LRRC4C: variants seen among roughly 807,000 people sequenced by gnomAD.
The protein encoded by LRRC4C is leucine-rich repeat-containing protein 4C.
In LRRC4C, 5 loss-of-function variants were observed where a neutral mutation model predicts 33.6. The observed-to-expected ratio is 0.15, with a 90% CI of 0.08 to 0.31. The LOEUF is 0.31. Ranked by LOEUF, LRRC4C falls within the 10% of genes least tolerant of loss-of-function variation. The pLI, the probability that LRRC4C is intolerant of heterozygous loss-of-function variation, is 1.00. For synonymous variants in LRRC4C, 329 were observed against 302.0 expected (o/e 1.09, Z -0.93); for missense variants, 560 against 796.7 (o/e 0.70, Z 3.58).
chr11:41,143,320 AAT>A (rs1943593444), intron 1 of LRRC4C, among the ~76,000 whole-genome samples: 1 of 96,892 alleles, frequency 1.0e-5, no homozygotes, highest in Non-Finnish European at 2.3e-5. Flanking sequence ...AAAGAATTTC[AAT>A]TAAAGGATCA....
intron 1 of LRRC4C, among the ~76,000 whole-genome samples, chr11:41,007,648 G>C (rs1012116280): frequency 1.3e-5 from 2 of 152,046 alleles, no homozygotes; most frequent in Non-Finnish European, 2.9e-5. Context: ...TTGAACAGGT[G>C]ATGTATAATG....
At chr11:41,045,210 T>C (rs1268999927) in intron 1 of LRRC4C, among the ~76,000 whole-genome samples, 1 of 152,070 alleles carries the variant, frequency 6.6e-6, no homozygotes, top group African/African-American at 2.4e-5. Flanking sequence ...CCTTAAAAGT[T>C]TTATACTTGA....
chr11:40,857,994 G>A (rs888253918), intron 2 of LRRC4C, among the ~76,000 whole-genome samples: 3 of 97,084 alleles, frequency 3.1e-5, no homozygotes, highest in Non-Finnish European at 6.9e-5. Context: ...AAAGGGACAG[G>A]GACAGGGACA....
At chr11:40,682,476 C>T (rs1944739074) in intron 2 of LRRC4C, among the ~76,000 whole-genome samples, 1 of 152,008 alleles carries the variant, frequency 6.6e-6, no homozygotes, top group Non-Finnish European at 1.5e-5. Context: ...CACTTTTCAT[C>T]TAAAGATATC....
At chr11:40,320,826 G>T (rs1945806824) in intron 3 of LRRC4C, among the ~76,000 whole-genome samples, 1 of 152,134 alleles carries the variant, frequency 6.6e-6, no homozygotes, top group Admixed American at 6.5e-5. Context: ...GGAAGATTTT[G>T]TGGAAGCAAA....
chr11:40,706,581 G>A (rs562641615), intron 2 of LRRC4C, among the ~76,000 whole-genome samples: 121 of 152,134 alleles, frequency 8.0e-4, no homozygotes, highest in African/African-American at 7.2e-4. Flanking sequence ...CTCTGTTTTC[G>A]TACCAGTACC....
At chr11:40,882,030 G>T (rs779482552) in intron 2 of LRRC4C, among the ~76,000 whole-genome samples, 1 of 151,768 alleles carries the variant, frequency 6.6e-6, no homozygotes, top group Non-Finnish European at 1.5e-5. Flanking sequence ...TTTCATCTTT[G>T]CAGACTATGA....
At chr11:40,422,709 T>C (rs999053869) in intron 3 of LRRC4C, among the ~76,000 whole-genome samples, 4 of 151,472 alleles carry the variant, frequency 2.6e-5, no homozygotes, top group African/African-American at 9.7e-5. Flanking sequence ...AAAAAGCAAA[T>C]TATTTAATGT....
At chr11:40,632,896 C>A (rs1045691796) in intron 3 of LRRC4C, among the ~76,000 whole-genome samples, 1 of 152,090 alleles carries the variant, frequency 6.6e-6, no homozygotes, top group Non-Finnish European at 1.5e-5. Context: ...TCAAAGGTAA[C>A]AAATGTTATG....
chr11:40,150,940 TAAA>T (rs931870516), intron 5 of LRRC4C, among the ~76,000 whole-genome samples: 2 of 150,580 alleles, frequency 1.3e-5, no homozygotes, highest in Non-Finnish European at 3.0e-5. Context: ...GTGAGAGAAA[TAAA>T]AAAAAATGCC....
At chr11:41,291,718 C>T (rs1949998822) in intron 1 of LRRC4C, among the ~76,000 whole-genome samples, 1 of 152,074 alleles carries the variant, frequency 6.6e-6, no homozygotes, top group African/African-American at 2.4e-5. Flanking sequence ...AAAGAGGAGA[C>T]TGAACAGATC....
intron 1 of LRRC4C, among the ~76,000 whole-genome samples, chr11:40,938,272 A>G (rs548329524): frequency 6.6e-6 from 1 of 152,228 alleles, no homozygotes; most frequent in Non-Finnish European, 1.5e-5. Flanking sequence ...ACCTTTCTCC[A>G]TTTGGATGAG....
chr11:40,852,961 A>G (rs1034865823), intron 2 of LRRC4C, among the ~76,000 whole-genome samples: 4 of 152,226 alleles, frequency 2.6e-5, no homozygotes, highest in African/African-American at 4.8e-5. Flanking sequence ...AAGAGCTGAT[A>G]TGATCTAATA....
chr11:41,198,572 T>C (rs540070889), intron 1 of LRRC4C, among the ~76,000 whole-genome samples: 2 of 151,894 alleles, frequency 1.3e-5, no homozygotes, highest in South Asian at 4.2e-4. Context: ...TGCACCCAGG[T>C]CCTCTGTCCA....
intron 1 of LRRC4C, among the ~76,000 whole-genome samples, chr11:41,217,446 A>T (rs971213755): frequency 2.0e-5 from 3 of 152,300 alleles, no homozygotes; most frequent in African/African-American, 2.4e-5. Context: ...AAGAAAATAA[A>T]TGTTTATATT....
chr11:40,544,156 C>T (rs1956829087), intron 3 of LRRC4C, among the ~76,000 whole-genome samples: 1 of 152,052 alleles, frequency 6.6e-6, no homozygotes, highest in Non-Finnish European at 1.5e-5. Flanking sequence ...GATATTTAAA[C>T]TTTCATAAAG....
At chr11:40,981,759 A>G (rs1852557703) in intron 1 of LRRC4C, among the ~76,000 whole-genome samples, 1 of 152,238 alleles carries the variant, frequency 6.6e-6, no homozygotes, top group South Asian at 2.1e-4. Flanking sequence ...GGAGATAAGT[A>G]ATATGAAAAC....
chr11:41,049,342 C>T (rs549362004), intron 1 of LRRC4C, among the ~76,000 whole-genome samples: 3 of 152,252 alleles, frequency 2.0e-5, no homozygotes, highest in South Asian at 2.1e-4. Context: ...GCATCCCCAG[C>T]CACATGGAAC....
chr11:40,811,640 G>A (rs1393576217), intron 2 of LRRC4C, among the ~76,000 whole-genome samples: 1 of 152,070 alleles, frequency 6.6e-6, no homozygotes, highest in Admixed American at 6.6e-5. Flanking sequence ...TGGGACTACA[G>A]GCACACACCA....
Sources: allele counts gnomAD v4.1 joint callset (sites outside exome capture counted in the v4.1 genomes callset), GRCh38; gene constraint gnomAD v4.1.1; transcripts MANE v1.5; gene names NCBI Gene and HGNC (gene_info 2026-07-23, HGNC 2026-07-21).